Variants in LRP5 observed in about 807,000 individuals in gnomAD.
The protein encoded by LRP5 is low-density lipoprotein receptor-related protein 5.
LRP5 carries 62 observed loss-of-function variants against 154.1 expected under a neutral mutation model. The observed-to-expected ratio is 0.40, with a 90% CI of 0.33 to 0.50. The LOEUF (loss-of-function observed/expected upper bound fraction) is 0.50. Among genes scored for constraint, LRP5 ranks in the 20% least tolerant of loss-of-function variants. The pLI is 0.55. For synonymous variants in LRP5, 966 were observed against 1,011.5 expected (o/e 0.96, Z 0.85); for missense variants, 1,915 against 2,336.7 (o/e 0.82, Z 3.72).
At chr11:68,331,814 C>T (rs1447388597) in intron 1 of LRP5, among the ~76,000 whole-genome samples, 11 of 151,438 alleles carry the variant, frequency 7.3e-5, no homozygotes, top group South Asian at 2.1e-4. Context: ...AGAGAGAATT[C>T]GATGGGGGGC....
chr11:68,411,605 T>A lies in LRP5; in HGVS notation c.2488T>A (p.Ser830Thr), dbSNP rs761081986. The change falls in exon 11 of 23, where the codon TCG (serine) becomes ACG (threonine). Residue 830 changes from serine (S) to threonine (T), a missense_variant. This residue lies in a region of LRP5 where 1,094 missense variants were observed against 1,210.1 expected (regional missense o/e 0.90). Coordinates refer to ENST00000294304, the MANE Select transcript of LRP5 (RefSeq NM_002335.4). ...WTDLDTNMIESSNMLGQERVV... is the reference protein window; with the variant it reads ...WTDLDTNMIETSNMLGQERVV... ...CGACCTGGACACCAACATGATCGAG[T>A]CGTCCAACATGCTGGGTGAGGGCCG... 1 of 1,611,426 alleles carries A rather than the reference T, an allele frequency of 6.2e-7. No individual in the cohort carries two copies. The highest frequency in any genetic ancestry group is 8.5e-7 in the Non-Finnish European group (1 of 1,178,914).
intron 3 of LRP5, among the ~76,000 whole-genome samples, chr11:68,358,659 G>A (rs1398602498): frequency 6.6e-6 from 1 of 152,234 alleles, no homozygotes. Flanking sequence ...CATGGTCAGT[G>A]CTCAATAAAA....
At chr11:68,445,851 G>A (rs1351864916) in intron 21 of LRP5, among the ~76,000 whole-genome samples, 2 of 152,242 alleles carry the variant, frequency 1.3e-5, no homozygotes, top group African/African-American at 4.8e-5. Flanking sequence ...TTGTGAAGGG[G>A]GTGCCTTTGT....
chr11:68,388,062 G>A (rs1232597444), intron 6 of LRP5, among the ~76,000 whole-genome samples: 3 of 152,070 alleles, frequency 2.0e-5, no homozygotes, highest in East Asian at 1.9e-4. Context: ...AGCAGGCAGC[G>A]GGAGCACAGC....
chr11:68,374,378 C>T (rs929762366), intron 5 of LRP5, among the ~76,000 whole-genome samples: 7 of 152,294 alleles, frequency 4.6e-5, no homozygotes, highest in South Asian at 2.1e-4. Context: ...GAGTCTGCCG[C>T]GGCCGGGCAG....
At chr11:68,343,568 T>C (rs755783194) in intron 1 of LRP5, among the ~76,000 whole-genome samples, 1 of 152,134 alleles carries the variant, frequency 6.6e-6, no homozygotes, top group Non-Finnish European at 1.5e-5. Flanking sequence ...GGAGTATAAG[T>C]GATCCCTGCT....
intron 6 of LRP5, among the ~76,000 whole-genome samples, chr11:68,387,463 AG>A (rs1464409782): frequency 2.6e-5 from 4 of 152,260 alleles, no homozygotes; most frequent in African/African-American, 9.6e-5. Context: ...CTTTTCATCC[AG>A]GGGGGTAGGT....
intron 13 of LRP5, among the ~76,000 whole-genome samples, chr11:68,421,781 G>GGGGTGTGTGTGTGGGGT: frequency 7.5e-6 from 1 of 132,504 alleles, no homozygotes; most frequent in East Asian, 2.1e-4. Flanking sequence ...TCCATCTGGG[G>GGGGTGTGTGTGTGGGGT]GTGTGTGTGT....
At chr11:68,382,958 A>G (rs766670762) in intron 5 of LRP5, among the ~76,000 whole-genome samples, 3 of 151,706 alleles carry the variant, frequency 2.0e-5, no homozygotes, top group Non-Finnish European at 2.9e-5. Flanking sequence ...GCTCATTGCA[A>G]CCTCTGCCTC....
At chr11:68,315,681 C>T (rs1188756481) in intron 1 of LRP5, among the ~76,000 whole-genome samples, 2 of 152,190 alleles carry the variant, frequency 1.3e-5, no homozygotes. Flanking sequence ...CAGATAAGGC[C>T]CCGCCCCTGC....
chr11:68,300,314 AG>A, the LRP5 span, among the ~76,000 whole-genome samples: 3 of 149,068 alleles, frequency 2.0e-5, 1 homozygote, highest in Non-Finnish European at 4.5e-5. Context: ...AGGACAAGGG[AG>A]GGGATTAGCC....
intron 19 of LRP5, among the ~76,000 whole-genome samples, chr11:68,437,213 C>T (rs2098675540): frequency 6.6e-6 from 1 of 152,202 alleles, no homozygotes; most frequent in Admixed American, 6.5e-5. Flanking sequence ...GCTACAGAGT[C>T]TGCCTCAGTG....
chr11:68,393,640 G>A (rs2098647616), intron 7 of LRP5, among the ~76,000 whole-genome samples: 1 of 152,156 alleles, frequency 6.6e-6, no homozygotes, highest in Non-Finnish European at 1.5e-5. Flanking sequence ...AATTAGCCGG[G>A]TGTGGCAGCG....
At chr11:68,375,687 A>G (rs2098636972) in intron 5 of LRP5, among the ~76,000 whole-genome samples, 1 of 152,110 alleles carries the variant, frequency 6.6e-6, no homozygotes, top group South Asian at 2.1e-4. Flanking sequence ...CACCTTCAAG[A>G]GGGTTTGAGA....
intron 21 of LRP5, chr11:68,445,714 C>T: frequency 7.8e-7 from 1 of 1,278,692 alleles, no homozygotes; most frequent in Non-Finnish European, 1.0e-6. Flanking sequence ...TGTGTGGGCC[C>T]AGGGCCCCTG....
chr11:68,445,508 T>G, intron 21 of LRP5: 2 of 925,974 alleles, frequency 2.2e-6, no homozygotes, highest in Non-Finnish European at 3.1e-6. Flanking sequence ...TGTACCACCC[T>G]AGGGGGCCTG....
chr11:68,298,622 C>T, the LRP5 span, among the ~76,000 whole-genome samples: 1 of 152,186 alleles, frequency 6.6e-6, no homozygotes, highest in Non-Finnish European at 1.5e-5. Flanking sequence ...GGCTCAGTGC[C>T]AGGCCCAGCT....
At chr11:68,303,783 A>C in the LRP5 span, among the ~76,000 whole-genome samples, 2 of 152,206 alleles carry the variant, frequency 1.3e-5, no homozygotes, top group Non-Finnish European at 1.5e-5. Context: ...GTGAGCCACC[A>C]AGCGTGGCCA....
intron 1 of LRP5, among the ~76,000 whole-genome samples, chr11:68,338,812 A>G (rs2098607114): frequency 6.8e-6 from 1 of 146,122 alleles, no homozygotes. Context: ...CTGCATTCCC[A>G]TTGGGATGAA....
Sources: gnomAD v4.1 joint callset for allele counts (sites outside exome capture counted in the v4.1 genomes callset) on GRCh38, gnomAD v4.1.1 for gene constraint, gnomAD v4.1.1 regional missense constraint, MANE v1.5 for transcripts, NCBI Gene and HGNC (gene_info 2026-07-23, HGNC 2026-07-21) for gene names.